Variants in PDE1C observed in about 807,000 individuals in gnomAD.
PDE1C encodes the protein dual specificity calcium/calmodulin-dependent 3',5'-cyclic nucleotide phosphodiesterase 1C.
PDE1C carries 62 observed loss-of-function variants against 93.1 expected under a neutral mutation model. That is an observed-to-expected ratio of 0.67 (90% CI 0.54 to 0.82). PDE1C has a LOEUF of 0.82. Among genes scored for constraint, PDE1C ranks in the 40% least tolerant of loss-of-function variants. PDE1C has a pLI of 0.00. For synonymous variants in PDE1C, 325 were observed against 310.1 expected, an observed-to-expected ratio of 1.05 and a Z score of -0.50; for missense variants, 742 against 884.6, an observed-to-expected ratio of 0.84 and a Z score of 2.04.
At chr7:31,655,028 C>G in the PDE1C span, among the ~76,000 whole-genome samples, 1 of 152,124 alleles carries the variant, frequency 6.6e-6, no homozygotes, top group African/African-American at 2.4e-5. Flanking sequence ...TTTCTCCATT[C>G]CTCTGTCCTC....
rs1787006260 is a variant in PDE1C, at chr7:31,807,523, C to T, written c.1891+1508G>A. Among the ~76,000 whole-genome samples, 6 of 152,042 alleles carry T rather than the reference C, an allele frequency of 3.9e-5. No homozygotes were observed. In the South Asian group the frequency reaches 1.0e-3, roughly 26 times the overall value. The stretch of plus-strand genomic sequence containing the variant: ...AATATAATCCACAATGCCCACATGA[C>T]ATCATTATAGCAGATGTTTGTACCA... On this transcript the variant is annotated intron_variant, in intron 16 of 17. Coordinates refer to ENST00000396191, the MANE Select transcript of PDE1C (RefSeq NM_001191057.4).
At chr7:31,867,000 A>T (rs940719984) in intron 6 of PDE1C, among the ~76,000 whole-genome samples, 4 of 152,050 alleles carry the variant, frequency 2.6e-5, no homozygotes, top group African/African-American at 9.7e-5. Context: ...CAGCTACAGC[A>T]AGGCACCATA....
At chr7:31,687,967 T>C in the PDE1C span, among the ~76,000 whole-genome samples, 1 of 152,196 alleles carries the variant, frequency 6.6e-6, no homozygotes, top group Admixed American at 6.5e-5. Context: ...GTTCCCAAGA[T>C]TTAGAAATGG....
chr7:32,337,007 C>T (rs215658), intron 1 of PDE1C, among the ~76,000 whole-genome samples: 145,081 of 152,174 alleles, frequency 0.95, 69,352 homozygotes, highest in East Asian at 1. Flanking sequence ...CATCCCCAGA[C>T]ATTCAGATTC....
chr7:31,850,492 T>C lies in PDE1C; in HGVS notation c.851+149A>G, dbSNP rs917756. On this transcript the variant is annotated intron_variant, in intron 8 of 17. Transcript: ENST00000396191. ...AACTCTAAGTCTTGATTGAAGCTGA[T>C]CAGACTGATCTCTCATTTAGAGGTT... 624,704 of 625,478 alleles carry C rather than the reference T, an allele frequency of 1. 311,972 individuals are homozygous for C. The highest frequency in any genetic ancestry group is 1 in the East Asian group (36,310 of 36,310). The allele number at this position is 625,478 out of a possible 1,614,324, so 38.7% of individuals were successfully genotyped here.
chr7:31,870,875 T>C (rs1331756114), intron 6 of PDE1C, among the ~76,000 whole-genome samples: 1 of 151,970 alleles, frequency 6.6e-6, no homozygotes. Flanking sequence ...AAGGCTATAG[T>C]AACCAAAACA....
chr7:32,009,522 G>C (rs1048181912), intron 2 of PDE1C, among the ~76,000 whole-genome samples: 1 of 152,188 alleles, frequency 6.6e-6, no homozygotes, highest in Non-Finnish European at 1.5e-5. Flanking sequence ...TGGTCCTCAA[G>C]CCAAAAATTT....
At chr7:31,916,646 G>A (rs1029555764) in intron 2 of PDE1C, among the ~76,000 whole-genome samples, 1 of 152,176 alleles carries the variant, frequency 6.6e-6, no homozygotes, top group Non-Finnish European at 1.5e-5. Context: ...GTATTTATCA[G>A]GTAACCCTGC....
intron 2 of PDE1C, among the ~76,000 whole-genome samples, chr7:32,026,240 G>A (rs554554696): frequency 1.3e-5 from 2 of 152,174 alleles, no homozygotes; most frequent in East Asian, 3.9e-4. Flanking sequence ...TTCTTTGGTT[G>A]CCAGCCCCAC....
intron 1 of PDE1C, among the ~76,000 whole-genome samples, chr7:32,251,549 A>G (rs986602901): frequency 6.6e-5 from 10 of 151,956 alleles, no homozygotes; most frequent in African/African-American, 2.4e-4. Context: ...TCCAGCCACC[A>G]TGCATCTTCT....
chr7:31,619,573 G>T, the PDE1C span, among the ~76,000 whole-genome samples: 1 of 151,882 alleles, frequency 6.6e-6, no homozygotes, highest in Non-Finnish European at 1.5e-5. Flanking sequence ...GGAAATCAAT[G>T]GTCAAGTAAG....
At chr7:31,875,494 C>A (rs1796436450) in intron 5 of PDE1C, among the ~76,000 whole-genome samples, 1 of 151,894 alleles carries the variant, frequency 6.6e-6, no homozygotes, top group African/African-American at 2.4e-5. Flanking sequence ...TGCTGTGGGG[C>A]CTGGAATCCG....
chr7:31,846,430 C>CA (rs1253223854), intron 9 of PDE1C, among the ~76,000 whole-genome samples: 2 of 151,660 alleles, frequency 1.3e-5, no homozygotes, highest in Non-Finnish European at 2.9e-5. Context: ...TAGCCATATG[C>CA]AAAAAACTGA....
chr7:32,308,524 T>C (rs545419569), intron 1 of PDE1C, among the ~76,000 whole-genome samples: 1 of 152,292 alleles, frequency 6.6e-6, no homozygotes, highest in African/African-American at 2.4e-5. Flanking sequence ...GGTACTCCTC[T>C]GAGACAAAAC....
chr7:31,683,044 T>G, the PDE1C span, among the ~76,000 whole-genome samples: 3 of 152,154 alleles, frequency 2.0e-5, no homozygotes, highest in Admixed American at 2.0e-4. Context: ...CTCTGTGGTG[T>G]TGGAAATGTT....
intron 3 of PDE1C, among the ~76,000 whole-genome samples, chr7:32,145,988 G>A (rs1457758506): frequency 6.6e-6 from 1 of 152,126 alleles, no homozygotes; most frequent in Non-Finnish European, 1.5e-5. Context: ...TTTTTAGCTA[G>A]CTACATTTTT....
At chr7:32,185,024 G>A (rs1313192011) in intron 2 of PDE1C, among the ~76,000 whole-genome samples, 1 of 151,750 alleles carries the variant, frequency 6.6e-6, no homozygotes, top group Non-Finnish European at 1.5e-5. Context: ...GGCAGGATAA[G>A]CTCTTGAACC....
chr7:32,210,049 C>A (rs1805885811), intron 1 of PDE1C, among the ~76,000 whole-genome samples: 2 of 152,178 alleles, frequency 1.3e-5, no homozygotes, highest in African/African-American at 4.8e-5. Flanking sequence ...TAGATGCTAA[C>A]AAACAGGGAA....
chr7:31,726,509 C>A, the PDE1C span, among the ~76,000 whole-genome samples: 6 of 152,308 alleles, frequency 3.9e-5, no homozygotes, highest in South Asian at 1.2e-3. Context: ...TGAACAGGAA[C>A]AATTTCACAG....
Sources: allele counts gnomAD v4.1 joint callset (sites outside exome capture counted in the v4.1 genomes callset), GRCh38; gene constraint gnomAD v4.1.1; transcripts MANE v1.5; gene names NCBI Gene and HGNC (gene_info 2026-07-23, HGNC 2026-07-21).